The following ADGRA3 variants were observed in gnomAD, a reference collection of about 807,000 sequenced individuals.
ADGRA3 encodes the protein G-protein coupled receptor 125.
ADGRA3 carries 56 observed loss-of-function variants against 119.8 expected under a neutral mutation model. That is an observed-to-expected ratio of 0.47 (90% CI 0.38 to 0.58). ADGRA3 has a LOEUF of 0.58. Ranked by LOEUF, ADGRA3 falls within the 20% of genes least tolerant of loss-of-function variation. The pLI, the probability that ADGRA3 is intolerant of heterozygous loss-of-function variation, is 0.00. For missense variants in ADGRA3, 1,516 were observed against 1,649.0 expected, an observed-to-expected ratio of 0.92 and a Z score of 1.40; for synonymous variants, 607 against 623.8, an observed-to-expected ratio of 0.97 and a Z score of 0.40.
chr4:22,500,848 C>T (rs139529508), intron 1 of ADGRA3, among the ~76,000 whole-genome samples: 1 of 152,236 alleles, frequency 6.6e-6, no homozygotes, highest in African/African-American at 2.4e-5. Flanking sequence ...GTAGACTGGT[C>T]CTCTTTAAGT....
chr4:22,389,691 G>A (rs1577317369), intron 17 of ADGRA3, among the ~76,000 whole-genome samples: 1 of 152,078 alleles, frequency 6.6e-6, no homozygotes, highest in Non-Finnish European at 1.5e-5. Flanking sequence ...GGTAAGGAAG[G>A]TATCTGGATC....
intron 14 of ADGRA3, among the ~76,000 whole-genome samples, chr4:22,410,232 G>A (rs1202410213): frequency 6.6e-6 from 1 of 152,136 alleles, no homozygotes; most frequent in Non-Finnish European, 1.5e-5. Flanking sequence ...CACCACTAGT[G>A]ATTAAAGTAT....
At chr4:22,508,620 T>A (rs115524914) in intron 1 of ADGRA3, among the ~76,000 whole-genome samples, 127 of 152,260 alleles carry the variant, frequency 8.3e-4, no homozygotes, top group African/African-American at 2.9e-3. Flanking sequence ...GGCTGTGGCG[T>A]CTTGCTGGCC....
intron 16 of ADGRA3, among the ~76,000 whole-genome samples, chr4:22,400,819 T>C (rs1176066595): frequency 6.6e-6 from 1 of 152,154 alleles, no homozygotes; most frequent in Non-Finnish European, 1.5e-5. Flanking sequence ...TTTCAATTAC[T>C]ACGTTATACT....
At chr4:22,493,167 T>C (rs185382929) in intron 1 of ADGRA3, among the ~76,000 whole-genome samples, 94 of 152,318 alleles carry the variant, frequency 6.2e-4, no homozygotes, top group African/African-American at 2.0e-3. Flanking sequence ...GGTCTTGCTA[T>C]GTTGCCCAGG....
At chr4:22,485,009 T>A (rs574606059) in intron 1 of ADGRA3, among the ~76,000 whole-genome samples, 69 of 152,318 alleles carry the variant, frequency 4.5e-4, no homozygotes, top group Middle Eastern at 3.4e-3. Context: ...CTCTGCTTAA[T>A]TTTCCAGAAG....
rs1715643687 is a variant in ADGRA3, at chr4:22,420,973, A to G, written c.1722T>C (p.Tyr574=). The change falls in exon 12 of 19, where the codon TAT becomes TAC. Residue 574 remains tyrosine (Y), a synonymous_variant. Transcript: ENST00000334304. The part of the protein sequence containing the change: ...AASDRTGLSD[Y]GRRDPEGNLD... Reference sequence around the variant, plus strand: ...GGTTTCCCTCTGGATCCCGCCTCCCATAATCCGAAAGTCCTGTACGATCAG... The same window carrying G: ...GGTTTCCCTCTGGATCCCGCCTCCCGTAATCCGAAAGTCCTGTACGATCAG... 6.2e-7 allele frequency: 1 copy of G among 1,613,948 alleles called. No homozygotes were observed. Among genetic ancestry groups the G allele is most frequent in the African/African-American group, 1.3e-5 (1 of 74,894 alleles).
At chr4:22,444,844 A>G in intron 6 of ADGRA3, 129 bp downstream of exon 6, 1 of 887,668 alleles carries the variant, frequency 1.1e-6, no homozygotes, top group South Asian at 1.8e-5. Context: ...ATATTATCAA[A>G]TCCATAATGA....
At chr4:22,468,594 C>A (rs1477394196) in intron 2 of ADGRA3, among the ~76,000 whole-genome samples, 1 of 151,868 alleles carries the variant, frequency 6.6e-6, no homozygotes, top group African/African-American at 2.4e-5. Flanking sequence ...CGTGGTGAAA[C>A]CCCATCTCTA....
intron 1 of ADGRA3, among the ~76,000 whole-genome samples, chr4:22,502,628 A>T (rs1395066507): frequency 1.3e-5 from 2 of 152,174 alleles, no homozygotes; most frequent in African/African-American, 4.8e-5. Flanking sequence ...GCTATGTGCA[A>T]CAAGGAGAAA....
At chr4:22,422,672 T>C (rs770938882) in intron 11 of ADGRA3, among the ~76,000 whole-genome samples, 5 of 152,150 alleles carry the variant, frequency 3.3e-5, no homozygotes, top group Admixed American at 6.5e-5. Context: ...TGTTTACACA[T>C]AGAGATGGTA....
chr4:22,388,451 C>A lies in ADGRA3; in HGVS notation c.3220G>T (p.Val1074Phe). The change falls in exon 19 of 19, where the codon GTC (valine) becomes TTC (phenylalanine). Residue 1074 changes from valine (V) to phenylalanine (F), a missense_variant. By Grantham distance (50) the Val-to-Phe change is conservative. This residue lies in a region of ADGRA3 where 1,088 missense variants were observed against 1,107.1 expected (regional missense o/e 0.98). Transcript: ENST00000334304. ...GTCCCATTAGAGTTGGGGGGCTGGA[C>A]GTTGACTTGCACTGAATACGAGCTC... Reference protein sequence around the residue: ...GRSSYSVQVNVQPPNSNGTNG... With the variant: ...GRSSYSVQVNFQPPNSNGTNG... The A allele has an allele frequency of 6.2e-7, 1 of 1,614,022 alleles. No homozygotes were observed. The highest frequency in any genetic ancestry group is 8.5e-7 in the Non-Finnish European group (1 of 1,179,986).
intron 1 of ADGRA3, among the ~76,000 whole-genome samples, chr4:22,475,070 A>G (rs1717989842): frequency 6.6e-6 from 1 of 152,186 alleles, no homozygotes; most frequent in Non-Finnish European, 1.5e-5. Flanking sequence ...ATCCCTGCAG[A>G]TTAACATATC....
chr4:22,492,654 G>A (rs1718671009), intron 1 of ADGRA3, among the ~76,000 whole-genome samples: 1 of 152,186 alleles, frequency 6.6e-6, no homozygotes, highest in African/African-American at 2.4e-5. Flanking sequence ...AACAGTGGAG[G>A]TGTAGCTGGG....
chr4:22,400,377 A>T (rs1426168069), intron 16 of ADGRA3, among the ~76,000 whole-genome samples: 1 of 152,136 alleles, frequency 6.6e-6, no homozygotes, highest in Non-Finnish European at 1.5e-5. Context: ...AAAAAGAGGA[A>T]AATCATATTC....
chr4:22,454,749 T>C (rs951638244), intron 4 of ADGRA3, 117 bp downstream of exon 4: 2 of 734,992 alleles, frequency 2.7e-6, no homozygotes, highest in Admixed American at 2.2e-5. Context: ...TTGTCCCCTA[T>C]GGCTTCTATA....
intron 14 of ADGRA3, among the ~76,000 whole-genome samples, chr4:22,403,833 C>T (rs1178112294): frequency 6.6e-6 from 1 of 152,194 alleles, no homozygotes; most frequent in Admixed American, 6.5e-5. Flanking sequence ...TAGGCACTGA[C>T]TGTGTCCAGC....
chr4:22,433,864 G>A (rs1288657504), intron 10 of ADGRA3, among the ~76,000 whole-genome samples: 1 of 152,100 alleles, frequency 6.6e-6, no homozygotes, highest in Non-Finnish European at 1.5e-5. Flanking sequence ...ATTCACTGCA[G>A]GAAAGTGGGC....
At chr4:22,487,561 T>C (rs1718474391) in intron 1 of ADGRA3, among the ~76,000 whole-genome samples, 1 of 152,144 alleles carries the variant, frequency 6.6e-6, no homozygotes, top group Admixed American at 6.5e-5. Context: ...TGGGGGTTGG[T>C]GACCCTTGGT....
Sources: gnomAD v4.1 joint callset for allele counts (sites outside exome capture counted in the v4.1 genomes callset) on GRCh38, gnomAD v4.1.1 for gene constraint, gnomAD v4.1.1 regional missense constraint, MANE v1.5 for transcripts, NCBI Gene and HGNC (gene_info 2026-07-23, HGNC 2026-07-21) for gene names.